SH3D19: variants seen among roughly 807,000 people sequenced by gnomAD.
SH3D19 encodes the protein SH3 domain containing 19.
A neutral mutation model predicts 112.1 loss-of-function variants in SH3D19; 58 were observed. The observed-to-expected ratio is 0.52, with a 90% confidence interval of 0.42 to 0.64. The LOEUF (loss-of-function observed/expected upper bound fraction) is 0.64. SH3D19 is among the 30% of genes least tolerant of loss of function. The probability of loss-of-function intolerance (pLI) is 0.00; values close to 1 mark genes in which losing one functional copy is unlikely to be tolerated. For synonymous variants in SH3D19, 391 were observed against 448.5 expected (o/e 0.87, Z 1.62); for missense variants, 1,090 against 1,263.4 (o/e 0.86, Z 2.08).
At chr4:151,153,669 A>C (rs1379138527) in intron 9 of SH3D19, among the ~76,000 whole-genome samples, 2 of 152,158 alleles carry the variant, frequency 1.3e-5, no homozygotes, top group Non-Finnish European at 2.9e-5. Flanking sequence ...TATATGCGTG[A>C]ATTCAGGCAA....
chr4:151,255,150 C>T (rs536429228), intron 1 of SH3D19, among the ~76,000 whole-genome samples: 1,549 of 150,866 alleles, frequency 0.01, 26 homozygotes, highest in African/African-American at 0.036. Flanking sequence ...CCCTCCCAGA[C>T]GGGGTGGCTG....
At chr4:151,188,728 G>C (rs1447552928) in intron 2 of SH3D19, among the ~76,000 whole-genome samples, 1 of 152,192 alleles carries the variant, frequency 6.6e-6, no homozygotes, top group African/African-American at 2.4e-5. Flanking sequence ...TGTTGAGAAG[G>C]AAGATGTATT....
chr4:151,274,289 A>G (rs1429839885), intron 1 of SH3D19, among the ~76,000 whole-genome samples: 1 of 152,244 alleles, frequency 6.6e-6, no homozygotes, highest in Admixed American at 6.5e-5. Context: ...GTATTTAAAG[A>G]GGTAAACATC....
intron 1 of SH3D19, among the ~76,000 whole-genome samples, chr4:151,318,699 C>G (rs1423335671): frequency 6.6e-6 from 1 of 152,126 alleles, no homozygotes; most frequent in East Asian, 1.9e-4. Flanking sequence ...TACATTAACT[C>G]ATTTAGTCTT....
At chr4:151,302,800 T>C (rs1284116891) in intron 1 of SH3D19, among the ~76,000 whole-genome samples, 1 of 149,166 alleles carries the variant, frequency 6.7e-6, no homozygotes, top group East Asian at 2.0e-4. Context: ...CGCATGTTCA[T>C]AGGTGGGAAC....
chr4:151,216,200 T>C lies in SH3D19; in HGVS notation c.152+9847A>G, dbSNP rs200557089. Among the ~76,000 whole-genome samples, 7 of 152,204 alleles carry C rather than the reference T, an allele frequency of 4.6e-5. No individual in the cohort carries two copies. In the East Asian group the frequency reaches 5.8e-4, roughly 13 times the overall value. On this transcript the variant is annotated intron_variant, in intron 2 of 19. Transcript: ENST00000604030. ...TTACTTTTAATGAGACAGGAGGTGA[T>C]TGAGCTAATGAATGACTGTTCAGTA...
intron 1 of SH3D19, among the ~76,000 whole-genome samples, chr4:151,301,318 C>A (rs1240831384): frequency 6.6e-6 from 1 of 152,262 alleles, no homozygotes; most frequent in African/African-American, 2.4e-5. Flanking sequence ...ACCTCCACCT[C>A]CCAGGTTCAA....
At chr4:151,126,741 T>A (rs910343974) in intron 19 of SH3D19, among the ~76,000 whole-genome samples, 2 of 139,990 alleles carry the variant, frequency 1.4e-5, no homozygotes, top group Non-Finnish European at 3.1e-5. Flanking sequence ...GAGCTTGCAG[T>A]GAGCCGAGAT....
chr4:151,257,786 G>A lies in SH3D19; in HGVS notation c.113-31700C>T, dbSNP rs1367155198. On this transcript the variant is annotated intron_variant, in intron 1 of 19. Coordinates refer to ENST00000604030, the MANE Select transcript of SH3D19 (RefSeq NM_001378122.1). The stretch of plus-strand genomic sequence containing the variant: ...TAGCCAGGTGTGGTGGCGCATGCCT[G>A]TAGTCCCAGCTACTCCAGAGACTGA... Among the ~76,000 whole-genome samples the A allele has an allele frequency of 2.0e-5, 3 of 152,264 alleles. No individual in the cohort carries two copies. In the East Asian group the frequency reaches 5.8e-4, roughly 29 times the overall value.
intron 1 of SH3D19, among the ~76,000 whole-genome samples, chr4:151,281,296 C>T (rs974323880): frequency 6.6e-6 from 1 of 152,178 alleles, no homozygotes; most frequent in African/African-American, 2.4e-5. Context: ...AGTGAGCCCA[C>T]TTATCAACTC....
intron 1 of SH3D19, among the ~76,000 whole-genome samples, chr4:151,319,975 T>C (rs931399027): frequency 6.6e-6 from 1 of 152,208 alleles, no homozygotes; most frequent in Non-Finnish European, 1.5e-5. Context: ...ATTTACTAGC[T>C]GAGGGACTGT....
At chr4:151,160,488 T>C (rs535902857) in intron 8 of SH3D19, among the ~76,000 whole-genome samples, 1 of 152,320 alleles carries the variant, frequency 6.6e-6, no homozygotes, top group African/African-American at 2.4e-5. Flanking sequence ...TCAGTGATAA[T>C]GTAGCCCCAA....
chr4:151,224,806 C>T (rs555247761), intron 2 of SH3D19, among the ~76,000 whole-genome samples: 1 of 152,238 alleles, frequency 6.6e-6, no homozygotes, highest in East Asian at 1.9e-4. Context: ...CTCAGCCTCC[C>T]AAGTAGCTGC....
At chr4:151,188,539 T>C (rs1478394097) in intron 2 of SH3D19, among the ~76,000 whole-genome samples, 1 of 152,214 alleles carries the variant, frequency 6.6e-6, no homozygotes, top group Non-Finnish European at 1.5e-5. Context: ...TTGAACATTA[T>C]GTTACTACTG....
chr4:151,150,183 T>C (rs1579797349), intron 9 of SH3D19, among the ~76,000 whole-genome samples: 1 of 980 alleles, frequency 1.0e-3, no homozygotes, highest in African/African-American at 1.9e-3. Flanking sequence ...AGACTCCATC[T>C]CAAAAAAAAA....
chr4:151,237,158 G>C (rs931301799), intron 1 of SH3D19, among the ~76,000 whole-genome samples: 9 of 152,104 alleles, frequency 5.9e-5, no homozygotes, highest in Admixed American at 1.3e-4. Flanking sequence ...CACGAACCCA[G>C]CGGAAGGAAT....
intron 1 of SH3D19, among the ~76,000 whole-genome samples, chr4:151,308,585 C>T (rs374434300): frequency 6.6e-6 from 1 of 152,218 alleles, no homozygotes; most frequent in Non-Finnish European, 1.5e-5. Context: ...GGCATAAGAA[C>T]CCTGCTGCAA....
rs1759702173 is a variant in SH3D19 at position 151,174,932 on chromosome 4, C to A, written c.1272G>T (p.Leu424=). 2.5e-6 allele frequency: 4 copies of A among 1,613,776 alleles called. No homozygotes were observed. In the South Asian group the frequency reaches 4.4e-5, roughly 18 times the overall value. Residue 424 remains leucine, a synonymous_variant, in exon 7 of 20, where the codon CTG becomes CTT. Coordinates refer to ENST00000604030, the MANE Select transcript of SH3D19 (RefSeq NM_001378122.1). ...TTTCTGAGGAAACAGATTTCTTCAG[C>A]AGCAAAGGCCGCGGGGCAGGAGTTG... ...KVPTPAPRPL[L]LKKSVSSENP... is the part of the protein sequence containing the mutation.
intron 1 of SH3D19, among the ~76,000 whole-genome samples, chr4:151,275,836 A>ATTTTT (rs1561421508): frequency 1.8e-5 from 1 of 54,712 alleles, no homozygotes; most frequent in Non-Finnish European, 5.2e-5. Flanking sequence ...TATTATTATT[A>ATTTTT]TTATTATTAT....
Sources: allele counts gnomAD v4.1 joint callset (sites outside exome capture counted in the v4.1 genomes callset), GRCh38; gene constraint gnomAD v4.1.1; transcripts MANE v1.5; gene names NCBI Gene and HGNC (gene_info 2026-07-23, HGNC 2026-07-21).